PHF24: variants seen among roughly 807,000 people sequenced by gnomAD.
PHF24 encodes the protein Galpha inhibitory interacting protein.
Under a neutral mutation model 42.6 loss-of-function variants are expected in PHF24, and 25 were observed. That is an observed-to-expected ratio of 0.59 (90% CI 0.43 to 0.82). The LOEUF (loss-of-function observed/expected upper bound fraction) is 0.82. Ranked by LOEUF, PHF24 falls within the 40% of genes least tolerant of loss-of-function variation. PHF24 has a pLI of 0.00. For missense variants in PHF24, 470 were observed against 538.1 expected (o/e 0.87, Z 1.25); for synonymous variants, 185 against 204.8 (o/e 0.90, Z 0.83).
the PHF24 span, among the ~76,000 whole-genome samples, chr9:34,890,675 G>T: frequency 6.6e-6 from 1 of 152,212 alleles, no homozygotes; most frequent in East Asian, 1.9e-4. Flanking sequence ...ACTCCTAAAG[G>T]ATCCCTGTGT....
the PHF24 span, among the ~76,000 whole-genome samples, chr9:34,790,176 G>T: frequency 2.6e-5 from 4 of 152,136 alleles, no homozygotes; most frequent in Non-Finnish European, 5.9e-5. Flanking sequence ...GAAAAATCAG[G>T]AGGTTTACAT....
chr9:34,869,890 G>A, the PHF24 span, among the ~76,000 whole-genome samples: 1 of 151,982 alleles, frequency 6.6e-6, no homozygotes, highest in African/African-American at 2.4e-5. Context: ...TGTTAGGAAG[G>A]CAGAAATTCC....
the PHF24 span, among the ~76,000 whole-genome samples, chr9:34,671,807 TCATCCATCCATCCATC>T: frequency 1.9e-4 from 28 of 149,944 alleles, no homozygotes; most frequent in South Asian, 1.9e-3. Context: ...TTTTTCTGCC[TCATCCATCCATCCATC>T]CATCCATCCA....
chr9:34,937,511 CG>C, the PHF24 span, among the ~76,000 whole-genome samples: 3 of 152,132 alleles, frequency 2.0e-5, no homozygotes, highest in African/African-American at 7.2e-5. Flanking sequence ...ACAAACACTG[CG>C]GAAGGCCGCA....
the PHF24 span, among the ~76,000 whole-genome samples, chr9:34,701,026 C>T: frequency 6.6e-6 from 1 of 152,166 alleles, no homozygotes; most frequent in Non-Finnish European, 1.5e-5. This position sits in a 1 kb window ranked among gnomAD's most constrained non-coding sequence, Gnocchi z 5.8. Context: ...CGTGCTTCGC[C>T]TTGTTCACCC....
the PHF24 span, chr9:34,895,677 A>G: frequency 2.5e-6 from 1 of 404,406 alleles, no homozygotes; most frequent in African/African-American, 2.1e-5. Context: ...CCATAGGTGT[A>G]TAAGGGATAT....
At chr9:34,961,584 A>C (rs976367220) in intron 1 of PHF24, among the ~76,000 whole-genome samples, 2 of 152,200 alleles carry the variant, frequency 1.3e-5, no homozygotes, top group Admixed American at 6.5e-5. Flanking sequence ...GAGTAGGAAA[A>C]GTAAGGGGGA....
chr9:34,884,678 C>T, the PHF24 span, among the ~76,000 whole-genome samples: 15 of 152,260 alleles, frequency 9.9e-5, no homozygotes, highest in South Asian at 2.1e-4. Context: ...TAACTGAGCC[C>T]TTGTGTCTGA....
At chr9:34,704,817 A>G in the PHF24 span, among the ~76,000 whole-genome samples, 1 of 152,222 alleles carries the variant, frequency 6.6e-6, no homozygotes, top group African/African-American at 2.4e-5. Context: ...CCTGGGTGAC[A>G]GAGCAAGACC....
the PHF24 span, among the ~76,000 whole-genome samples, chr9:34,679,061 A>C: frequency 1.8e-3 from 276 of 152,348 alleles, 1 homozygote; most frequent in African/African-American, 6.0e-3. Flanking sequence ...CTTGCATCTA[A>C]GAAAGTCCAA....
the PHF24 span, among the ~76,000 whole-genome samples, chr9:34,707,316 A>G: frequency 9.2e-5 from 14 of 152,322 alleles, no homozygotes; most frequent in East Asian, 2.5e-3. Flanking sequence ...GTCCAATGAT[A>G]GGATGGTGTA....
At chr9:34,895,664 GA>G in the PHF24 span, 1 of 403,402 alleles carries the variant, frequency 2.5e-6, no homozygotes, top group Non-Finnish European at 4.4e-6. Context: ...AATGCAGATG[GA>G]TCCATAGGTG....
intron 1 of PHF24, among the ~76,000 whole-genome samples, chr9:34,963,660 T>C (rs888234132): frequency 6.6e-6 from 1 of 152,244 alleles, no homozygotes; most frequent in African/African-American, 2.4e-5. Flanking sequence ...ACTTTGGTAA[T>C]ACTGGCTTCT....
At chr9:34,885,177 T>TG in the PHF24 span, among the ~76,000 whole-genome samples, 88 of 152,348 alleles carry the variant, frequency 5.8e-4, no homozygotes, top group African/African-American at 2.1e-3. Flanking sequence ...TGTTAAGTGT[T>TG]GGCTCAGTAG....
At chr9:34,947,252 T>A in the PHF24 span, among the ~76,000 whole-genome samples, 1 of 152,222 alleles carries the variant, frequency 6.6e-6, no homozygotes, top group Non-Finnish European at 1.5e-5. Context: ...ATAAATGATG[T>A]TTTGGTCAGT....
intron 1 of PHF24, among the ~76,000 whole-genome samples, chr9:34,968,657 G>A (rs183296515): frequency 1.3e-5 from 2 of 152,332 alleles, no homozygotes; most frequent in South Asian, 2.1e-4. Context: ...CAGTGTTTCC[G>A]AAAAGAAGAT....
chr9:34,711,921 T>C, the PHF24 span, among the ~76,000 whole-genome samples: 1 of 152,042 alleles, frequency 6.6e-6, no homozygotes, highest in Non-Finnish European at 1.5e-5. Flanking sequence ...TTTTGTTTCA[T>C]TCTGAAGGTC....
At chr9:34,690,704 G>A in the PHF24 span, among the ~76,000 whole-genome samples, 1 of 152,176 alleles carries the variant, frequency 6.6e-6, no homozygotes, top group South Asian at 2.1e-4. Flanking sequence ...CGTGGGGTAG[G>A]GTAGGCTGGT....
the PHF24 span, among the ~76,000 whole-genome samples, chr9:34,785,113 G>C: frequency 7.2e-5 from 11 of 152,160 alleles, no homozygotes; most frequent in African/African-American, 2.7e-4. Flanking sequence ...CTGAAGGCTG[G>C]GAGATCTAAA....
Sources: allele counts gnomAD v4.1 joint callset (sites outside exome capture counted in the v4.1 genomes callset), GRCh38; gene constraint gnomAD v4.1.1; non-coding constraint Gnocchi (gnomAD v3.1); transcripts MANE v1.5; gene names NCBI Gene and HGNC (gene_info 2026-07-23, HGNC 2026-07-21).